LAMB4: variants seen among roughly 807,000 people sequenced by gnomAD.
LAMB4 encodes the protein laminin subunit beta-4.
LAMB4 carries 196 observed loss-of-function variants against 199.2 expected under a neutral mutation model. The observed-to-expected ratio is 0.98, with a 90% confidence interval of 0.88 to 1.11. The LOEUF is 1.11. LAMB4 is among the 50% of genes least tolerant of loss of function. The pLI is 0.00. For synonymous variants in LAMB4, 744 were observed against 770.6 expected (o/e 0.97, Z 0.57); for missense variants, 2,080 against 2,171.2 (o/e 0.96, Z 0.83).
chr7:108,068,680 T>TTTTGTTTG (rs200857035), intron 18 of LAMB4, among the ~76,000 whole-genome samples: 2 of 151,246 alleles, frequency 1.3e-5, no homozygotes, highest in African/African-American at 4.9e-5. Context: ...CTTACTAGTG[T>TTTTGTTTG]TTTGTTTGTT....
intron 24 of LAMB4, among the ~76,000 whole-genome samples, chr7:108,056,745 G>A (rs2035997182): frequency 6.6e-6 from 1 of 152,120 alleles, no homozygotes; most frequent in Non-Finnish European, 1.5e-5. Context: ...TAAGGCAGGT[G>A]GATTGTTTGA....
At chr7:108,089,058 G>A (rs1365072648) in intron 14 of LAMB4, among the ~76,000 whole-genome samples, 1 of 152,138 alleles carries the variant, frequency 6.6e-6, no homozygotes. Flanking sequence ...CATAGAAGAG[G>A]TTGCTAGGGG....
rs573326019 is a variant in LAMB4 at position 108,123,510 on chromosome 7, C to T, written c.-33-313G>A. On this transcript the variant is annotated intron_variant, in intron 1 of 33. Coordinates refer to ENST00000388781, the MANE Select transcript of LAMB4 (RefSeq NM_007356.3). ...GCCCATTCTTATTTAGAAACTTTTTCTTCTAAAAATTACACAGTTAATACA... is the reference window on the plus strand; with the variant it reads ...GCCCATTCTTATTTAGAAACTTTTTTTTCTAAAAATTACACAGTTAATACA... 1.2e-3 allele frequency among the ~76,000 whole-genome samples: 176 copies of T among 152,214 alleles called. 1 individual carries two copies. Among genetic ancestry groups the T allele is most frequent in the Non-Finnish European group, 2.0e-3 (137 of 67,992 alleles).
At chr7:108,041,190 A>C (rs1488863382) in intron 29 of LAMB4, among the ~76,000 whole-genome samples, 1 of 152,220 alleles carries the variant, frequency 6.6e-6, no homozygotes, top group Non-Finnish European at 1.5e-5. Flanking sequence ...TCAAAACCAC[A>C]ATGAGGTACC....
chr7:108,043,545 G>GTTTTTTGTTTTTTTTTT (rs2035497909), intron 29 of LAMB4, among the ~76,000 whole-genome samples: 1 of 56,002 alleles, frequency 1.8e-5, no homozygotes, highest in Non-Finnish European at 2.9e-5. Flanking sequence ...TGGCTATGAT[G>GTTTTTTGTTTTTTTTTT]TTTTTTTTTT....
chr7:108,120,986 A>G (rs919072914), intron 2 of LAMB4, among the ~76,000 whole-genome samples: 22 of 152,362 alleles, frequency 1.4e-4, no homozygotes, highest in African/African-American at 5.3e-4. Context: ...AATATTTGGC[A>G]AAAAGTGACT....
chr7:108,123,140 A>G lies in LAMB4; in HGVS notation c.25T>C (p.Leu9=). 1.2e-6 allele frequency: 2 copies of G among 1,610,982 alleles called. No homozygotes were observed. The highest frequency in any genetic ancestry group is 1.7e-6 in the Non-Finnish European group (2 of 1,179,254). Residue 9 remains leucine, a synonymous_variant, in exon 2 of 34, where the codon TTG becomes CTG. Transcript: ENST00000388781. MQFQLTLF[L]HLGWLSYSKA... ...GACAACAAATACTCACCAAGGTGCA[A>G]AAAAAGGGTCAGTTGAAATTGCATT...
At chr7:108,080,156 A>T (rs749697122) in intron 14 of LAMB4, among the ~76,000 whole-genome samples, 18 of 152,186 alleles carry the variant, frequency 1.2e-4, no homozygotes, top group Non-Finnish European at 2.2e-4. Context: ...TCCCATGCCC[A>T]CTTTACAGAT....
At chr7:108,067,416 TAC>T (rs1343015934) in intron 19 of LAMB4, among the ~76,000 whole-genome samples, 12 of 152,230 alleles carry the variant, frequency 7.9e-5, no homozygotes, top group African/African-American at 2.9e-4. Flanking sequence ...ACTAATGATT[TAC>T]ACTGTGAAGA....
At chr7:108,128,272 T>C (rs963303597) in intron 1 of LAMB4, among the ~76,000 whole-genome samples, 17 of 152,200 alleles carry the variant, frequency 1.1e-4, no homozygotes, top group African/African-American at 3.1e-4. Flanking sequence ...TCTTGTTCGC[T>C]GACTCCAAGT....
intron 10 of LAMB4, among the ~76,000 whole-genome samples, chr7:108,101,782 C>T (rs919412246): frequency 1.3e-5 from 2 of 152,146 alleles, no homozygotes; most frequent in African/African-American, 2.4e-5. Context: ...ACTTCCATCA[C>T]CCTGATAGCG....
chr7:108,025,514 C>T (rs946397524), intron 33 of LAMB4, among the ~76,000 whole-genome samples: 2 of 151,268 alleles, frequency 1.3e-5, no homozygotes, highest in African/African-American at 2.4e-5. Flanking sequence ...CTGCAACCTC[C>T]GCCTCCTGGG....
At chr7:108,119,460 A>G (rs2038523506) in intron 2 of LAMB4, among the ~76,000 whole-genome samples, 1 of 152,236 alleles carries the variant, frequency 6.6e-6, no homozygotes, top group Non-Finnish European at 1.5e-5. Flanking sequence ...GTAGTGAACC[A>G]TTGATACAAG....
chr7:108,078,435 G>A, intron 15 of LAMB4, 119 bp from the exon 16 acceptor site: 1 of 631,202 alleles, frequency 1.6e-6, no homozygotes, highest in African/African-American at 1.8e-5. Context: ...TAGGCCACTT[G>A]GCAAAGAGTT....
In LAMB4 at chr7:108,057,919, GGCCTGTAA is replaced by G; in HGVS notation, c.3284_3291del (p.Leu1095ProfsTer5). ...CCGTAACCTAATTTACACGGACACT[GGCCTGTAA>G]GCTGTGAGAACAGTCATGGGTGAGG... is the stretch of plus-strand genomic sequence containing the variant. On this transcript the variant is annotated frameshift_variant and splice_region_variant, in exon 24 of 34. Coordinates refer to ENST00000388781, the MANE Select transcript of LAMB4 (RefSeq NM_007356.3). LOFTEE classifies it high-confidence loss of function. The G allele has an allele frequency of 3.7e-6, 6 of 1,612,172 alleles. No individual in the cohort carries two copies. The highest frequency in any genetic ancestry group is 5.1e-6 in the Non-Finnish European group (6 of 1,178,298).
At chr7:108,115,870 C>CA (rs1220414984) in intron 3 of LAMB4, 134 bp downstream of exon 3, 13 of 939,924 alleles carry the variant, frequency 1.4e-5, no homozygotes, top group Non-Finnish European at 1.9e-5. Context: ...TACTGAGGGA[C>CA]AACTGCACCA....
In LAMB4 at chr7:108,103,139, C is replaced by CA; in HGVS notation, c.1084dup (p.Cys362LeufsTer6). 6.2e-7 allele frequency: 1 copy of CA among 1,613,238 alleles called. No individual in the cohort carries two copies. The highest frequency in any genetic ancestry group is 1.1e-5 in the South Asian group (1 of 90,796). On this transcript the variant is annotated frameshift_variant, in exon 10 of 34. Coordinates refer to ENST00000388781, the MANE Select transcript of LAMB4 (RefSeq NM_007356.3). LOFTEE classifies it high-confidence loss of function. The stretch of plus-strand genomic sequence containing the variant: ...GTGCTGCCCCTCAGTGTTGTGCTGG[C>CA]AGTCTTCACACACGCCCCCGCTGAG...
At chr7:108,013,449 A>G in the LAMB4 span, among the ~76,000 whole-genome samples, 4 of 152,224 alleles carry the variant, frequency 2.6e-5, no homozygotes, top group Non-Finnish European at 4.4e-5. Context: ...ATTTAGATGC[A>G]TGAATATTAA....
chr7:108,020,807 G>A (rs1194322061), downstream of LAMB4, among the ~76,000 whole-genome samples: 4 of 152,278 alleles, frequency 2.6e-5, no homozygotes, highest in East Asian at 1.9e-4. Flanking sequence ...GTTTTTACTC[G>A]ATAATATAAT....
Sources: gnomAD v4.1 joint callset for allele counts (sites outside exome capture counted in the v4.1 genomes callset) on GRCh38, gnomAD v4.1.1 for gene constraint, MANE v1.5 for transcripts, NCBI Gene and HGNC (gene_info 2026-07-23, HGNC 2026-07-21) for gene names.